Variants in RASAL2 observed in about 807,000 individuals in gnomAD.
The protein encoded by RASAL2 is ras GTPase-activating protein nGAP.
Under a neutral mutation model 128.9 loss-of-function variants are expected in RASAL2, and 58 were observed. The ratio of observed to expected loss-of-function variants is 0.45; its 90% CI spans 0.36 to 0.56. The LOEUF is 0.56. Ranked by LOEUF, RASAL2 falls within the 20% of genes least tolerant of loss-of-function variation. The pLI is 0.00. For missense variants in RASAL2, 1,360 were observed against 1,601.6 expected (o/e 0.85, Z 2.57); for synonymous variants, 561 against 580.8 (o/e 0.97, Z 0.49).
intron 15 of RASAL2, among the ~76,000 whole-genome samples, chr1:178,464,840 T>TTG (rs1553239154): frequency 5.3e-4 from 75 of 142,842 alleles, no homozygotes; most frequent in African/African-American, 1.4e-3. Flanking sequence ...TGTTTTTTTT[T>TTG]TTTTTTTTTT....
intron 3 of RASAL2, among the ~76,000 whole-genome samples, chr1:178,351,514 G>A (rs1011734665): frequency 9.2e-5 from 14 of 152,074 alleles, no homozygotes; most frequent in Admixed American, 5.9e-4. Context: ...GGCGGATCAC[G>A]AGGTCAGGAG....
chr1:178,441,161 C>G (rs764664265), intron 6 of RASAL2, among the ~76,000 whole-genome samples: 4 of 149,654 alleles, frequency 2.7e-5, no homozygotes, highest in Non-Finnish European at 6.0e-5. Context: ...GGAAAACTAG[C>G]AAAGATCATC....
intron 3 of RASAL2, among the ~76,000 whole-genome samples, chr1:178,320,947 C>T (rs948785990): frequency 6.6e-6 from 1 of 152,168 alleles, no homozygotes; most frequent in Non-Finnish European, 1.5e-5. Flanking sequence ...ACATCCTCTT[C>T]GGTAACAAGC....
chr1:178,254,629 T>G (rs1011167670), intron 1 of RASAL2, among the ~76,000 whole-genome samples: 1 of 152,196 alleles, frequency 6.6e-6, no homozygotes, highest in African/African-American at 2.4e-5. Context: ...CTGAGACTGT[T>G]GCAACCAAAT....
chr1:178,169,101 G>A (rs551880597), intron 1 of RASAL2, among the ~76,000 whole-genome samples: 2 of 152,142 alleles, frequency 1.3e-5, no homozygotes, highest in East Asian at 3.9e-4. Context: ...ACATTAATAT[G>A]CATAGTTGCC....
chr1:178,131,373 ATC>A (rs1288594575), intron 1 of RASAL2, among the ~76,000 whole-genome samples: 1 of 113,768 alleles, frequency 8.8e-6, no homozygotes, highest in African/African-American at 3.6e-5. Flanking sequence ...CGCCTGGATA[ATC>A]TTTTTTTTTT....
In RASAL2 at chr1:178,313,767, T is replaced by C. The variant is rs564789175; in HGVS notation, c.457+13649T>C. 1.4e-4 allele frequency among the ~76,000 whole-genome samples: 22 copies of C among 152,336 alleles called. No individual in the cohort carries two copies. The Middle Eastern group carries it at 0.01, about 71-fold the overall frequency. On this transcript the variant is annotated intron_variant, in intron 3 of 17. Coordinates refer to ENST00000367649, the MANE Select transcript of RASAL2 (RefSeq NM_170692.4). ...AAAATATACTGTTTTTAAAATTAGCTAAGTCTTTTCTCATTCTATAGTCAC... is the reference window on the plus strand; with the variant it reads ...AAAATATACTGTTTTTAAAATTAGCCAAGTCTTTTCTCATTCTATAGTCAC...
At position 178,282,648 on chromosome 1, in the gene RASAL2, T is replaced by C. The variant is rs1571773795; in HGVS notation, c.203-916T>C. ...CTCATGGGTATTGGTTTTCTAATCT[T>C]TTCAATTTGAGTTTTTACTTTAGCA... On this transcript the variant is annotated intron_variant, in intron 1 of 17. Transcript: ENST00000367649. 2.0e-5 allele frequency among the ~76,000 whole-genome samples: 3 copies of C among 152,212 alleles called. No homozygotes were observed. In the East Asian group the frequency reaches 5.8e-4, roughly 29 times the overall value.
Position 178,452,410 on chromosome 1 carries a change from C to T in RASAL2, c.1773-6C>T. On this transcript the variant is annotated splice_region_variant and splice_polypyrimidine_tract_variant and intron_variant, in intron 10 of 17. Transcript: ENST00000367649. Reference sequence around the variant, plus strand: ...TAGAGGTTTTGGTACTTCTTTCCTTCCCTAGTGTTTTCCCTCGTGAGTTGA... The same window carrying T: ...TAGAGGTTTTGGTACTTCTTTCCTTTCCTAGTGTTTTCCCTCGTGAGTTGA... 1 of 1,611,730 alleles carries T rather than the reference C, an allele frequency of 6.2e-7. No individual in the cohort carries two copies. Among genetic ancestry groups the T allele is most frequent in the Non-Finnish European group, 8.5e-7 (1 of 1,177,882 alleles).
chr1:178,428,182 G>A (rs937708433), intron 5 of RASAL2, among the ~76,000 whole-genome samples: 1 of 151,914 alleles, frequency 6.6e-6, no homozygotes, highest in Non-Finnish European at 1.5e-5. Flanking sequence ...TTCAGCCATT[G>A]AAAGACGTTT....
At chr1:178,402,760 T>A (rs1397143134) in intron 4 of RASAL2, among the ~76,000 whole-genome samples, 1 of 152,158 alleles carries the variant, frequency 6.6e-6, no homozygotes, top group African/African-American at 2.4e-5. Context: ...CAATAACTAA[T>A]AGGCTCAAAA....
chr1:178,235,062 A>G (rs1664171025), intron 1 of RASAL2, among the ~76,000 whole-genome samples: 1 of 152,110 alleles, frequency 6.6e-6, no homozygotes, highest in East Asian at 1.9e-4. Flanking sequence ...CTAGAGGAAA[A>G]TCTTCCTCCT....
intron 1 of RASAL2, among the ~76,000 whole-genome samples, chr1:178,178,893 A>C (rs114178148): frequency 0.021 from 3,208 of 152,342 alleles, 99 homozygotes; most frequent in African/African-American, 0.07. Flanking sequence ...TTATACTTAT[A>C]CATGAATGAC....
At chr1:178,211,333 T>G (rs571476557) in intron 1 of RASAL2, among the ~76,000 whole-genome samples, 1 of 152,248 alleles carries the variant, frequency 6.6e-6, no homozygotes, top group Admixed American at 6.5e-5. Context: ...CTCCCTACCT[T>G]GATCCTTATC....
In RASAL2 at chr1:178,094,575, C is replaced by A. The variant is rs377696817; in HGVS notation, c.83C>A (p.Pro28Gln). ...TTCCCGGCGCTGGAGTCCGACTCGC[C>A]GCTGCCCCCGGAGGACCTGGACGCG... ...EMFPALESDS[P>Q]LPPEDLDAVV... is the part of the protein sequence containing the mutation. The change falls in exon 1 of 18, where the codon CCG (proline) becomes CAG (glutamine). Residue 28 changes from proline (P) to glutamine (Q), a missense_variant. By Grantham distance (76) the Pro-to-Gln change is moderately conservative. Coordinates refer to ENST00000367649, the MANE Select transcript of RASAL2 (RefSeq NM_170692.4). 164 of 1,604,602 alleles carry A rather than the reference C, an allele frequency of 1.0e-4. 1 individual carries two copies. In the East Asian group the frequency reaches 2.2e-3, roughly 22 times the overall value.
intron 4 of RASAL2, among the ~76,000 whole-genome samples, chr1:178,397,549 T>C (rs1673315692): frequency 6.6e-6 from 1 of 152,118 alleles, no homozygotes; most frequent in Non-Finnish European, 1.5e-5. Flanking sequence ...AATTAGACTG[T>C]GGTGATGGTT....
chr1:178,324,127 G>C (rs1455864096), intron 3 of RASAL2, among the ~76,000 whole-genome samples: 2 of 152,146 alleles, frequency 1.3e-5, no homozygotes, highest in African/African-American at 4.8e-5. Context: ...TTCAAAAGAA[G>C]AATGCAGGAG....
chr1:178,334,665 A>G (rs1296737621), intron 3 of RASAL2, among the ~76,000 whole-genome samples: 1 of 152,262 alleles, frequency 6.6e-6, no homozygotes, highest in Non-Finnish European at 1.5e-5. Context: ...AGATAAAAAA[A>G]TGCATGTCAT....
intron 1 of RASAL2, among the ~76,000 whole-genome samples, chr1:178,175,826 A>T (rs895087004): frequency 6.6e-6 from 1 of 152,120 alleles, no homozygotes; most frequent in African/African-American, 2.4e-5. Context: ...AGTTAACTTT[A>T]CTTAAAATAA....
Sources: gnomAD v4.1 joint callset for allele counts (sites outside exome capture counted in the v4.1 genomes callset) on GRCh38, gnomAD v4.1.1 for gene constraint, MANE v1.5 for transcripts, NCBI Gene and HGNC (gene_info 2026-07-23, HGNC 2026-07-21) for gene names.